The following AGBL1 variants were observed in gnomAD, a reference collection of about 807,000 sequenced individuals.
AGBL1 encodes AGBL carboxypeptidase 1.
Under a neutral mutation model 118.9 loss-of-function variants are expected in AGBL1, and 130 were observed. That is an observed-to-expected ratio of 1.09 (90% confidence interval 0.95 to 1.26). The LOEUF (loss-of-function observed/expected upper bound fraction) is 1.26. Ranked by LOEUF, AGBL1 falls within the 50% of genes most tolerant of loss-of-function variation. The probability of loss-of-function intolerance (pLI) is 0.00; values close to 1 mark genes in which losing one functional copy is unlikely to be tolerated. For synonymous variants in AGBL1, 555 were observed against 478.9 expected (o/e 1.16, Z -2.08); for missense variants, 1,584 against 1,298.1 (o/e 1.22, Z -3.38).
chr15:87,012,466 A>C (rs138126740), intron 24 of AGBL1, among the ~76,000 whole-genome samples: 389 of 152,286 alleles, frequency 2.6e-3, no homozygotes, highest in Non-Finnish European at 4.4e-3. Flanking sequence ...AAAAGGGTGA[A>C]GATACAATGT....
At chr15:86,142,175 C>G (rs2076972504) in intron 2 of AGBL1, 108 bp downstream of exon 2, 1 of 1,094,468 alleles carries the variant, frequency 9.1e-7, no homozygotes. Flanking sequence ...GCTTCAGTTT[C>G]CTGTGAGAGG....
chr15:86,347,368 G>A (rs1204839928), intron 17 of AGBL1, among the ~76,000 whole-genome samples: 1 of 152,188 alleles, frequency 6.6e-6, no homozygotes, highest in African/African-American at 2.4e-5. Context: ...AGTAATTATA[G>A]TCATTGCTAG....
chr15:86,648,571 C>G (rs1051544819), intron 21 of AGBL1, among the ~76,000 whole-genome samples: 1 of 152,126 alleles, frequency 6.6e-6, no homozygotes. Flanking sequence ...TGTTAGATAG[C>G]CAAGTAGTAA....
chr15:86,461,469 T>C (rs1014962395), intron 18 of AGBL1, among the ~76,000 whole-genome samples: 2 of 152,156 alleles, frequency 1.3e-5, no homozygotes, highest in Admixed American at 1.3e-4. Flanking sequence ...CGTATTTATA[T>C]AGCGCTTATC....
intron 22 of AGBL1, among the ~76,000 whole-genome samples, chr15:86,794,394 A>G (rs1461118798): frequency 1.3e-4 from 20 of 152,210 alleles, no homozygotes; most frequent in Admixed American, 1.3e-3. Flanking sequence ...AATGGCCAAA[A>G]TAGGCAAATC....
chr15:86,274,911 G>T (rs2079222012), intron 15 of AGBL1, among the ~76,000 whole-genome samples: 2 of 151,936 alleles, frequency 1.3e-5, no homozygotes, highest in East Asian at 3.9e-4. Context: ...CCCTCCCCTG[G>T]AGCACCTCCC....
At chr15:86,396,241 G>A (rs549966574) in intron 17 of AGBL1, among the ~76,000 whole-genome samples, 84 of 133,076 alleles carry the variant, frequency 6.3e-4, no homozygotes, top group Non-Finnish European at 8.6e-4. Flanking sequence ...GTGTGTGTGT[G>A]TGTATATATA....
At chr15:86,931,616 G>A (rs966264706) in intron 23 of AGBL1, among the ~76,000 whole-genome samples, 3 of 148,690 alleles carry the variant, frequency 2.0e-5, no homozygotes, top group African/African-American at 7.4e-5. Flanking sequence ...TGCTGCTGCT[G>A]GTTGTTGTAT....
chr15:86,343,458 T>G (rs2080492002), intron 17 of AGBL1, among the ~76,000 whole-genome samples: 1 of 152,174 alleles, frequency 6.6e-6, no homozygotes, highest in African/African-American at 2.4e-5. Flanking sequence ...CCTTGCTGAT[T>G]TCTCCAGTTT....
chr15:86,524,059 G>T (rs973271851), intron 19 of AGBL1, among the ~76,000 whole-genome samples: 1 of 152,154 alleles, frequency 6.6e-6, no homozygotes, highest in African/African-American at 2.4e-5. Context: ...GTGACAAAAA[G>T]GTGGCACATT....
chr15:86,728,421 C>G (rs147240555), intron 22 of AGBL1, among the ~76,000 whole-genome samples: 67 of 152,318 alleles, frequency 4.4e-4, no homozygotes, highest in African/African-American at 1.5e-3. Context: ...CTGTCCACAA[C>G]TGCCCAGGCT....
At chr15:86,403,908 GGTAA>G (rs1315227195) in intron 18 of AGBL1, among the ~76,000 whole-genome samples, 7 of 152,158 alleles carry the variant, frequency 4.6e-5, no homozygotes, top group African/African-American at 1.7e-4. Flanking sequence ...AGACCAAAGA[GGTAA>G]GTGAGTTATC....
chr15:86,554,464 G>A lies in AGBL1; in HGVS notation c.2921G>A (p.Trp974Ter). 2 of 1,587,946 alleles carry A rather than the reference G, an allele frequency of 1.3e-6. No individual in the cohort carries two copies. Among genetic ancestry groups the A allele is most frequent in the Non-Finnish European group, 1.7e-6 (2 of 1,167,314 alleles). ...GCTTCCACGGCCCGGGTGGTGGTGTGGAGAGAGATGGGGGTGTCCAGAAGC... is the reference window on the plus strand; with the variant it reads ...GCTTCCACGGCCCGGGTGGTGGTGTAGAGAGAGATGGGGGTGTCCAGAAGC... ...SRASTARVVV[W>*]REMGVSRSYT... Residue 974 changes from tryptophan (W) to a stop codon, truncating the protein, a stop_gained, in exon 21 of 23, where the codon TGG (tryptophan) becomes TAG (stop). Transcript: ENST00000614907. LOFTEE classifies it high-confidence loss of function.
At position 86,756,601 on chromosome 15, in the gene AGBL1, T is replaced by G. The variant is rs936066590; in HGVS notation, c.3158+82165T>G. On this transcript the variant is annotated intron_variant, in intron 22 of 22. Coordinates refer to ENST00000614907, the MANE Select transcript of AGBL1 (RefSeq NM_001386094.1). Reference sequence around the variant, plus strand: ...TTTCCCATAGTAGCTGATTCCTAAATGAAGATGAGGAGTTCTGAGGGTGAG... The same window carrying G: ...TTTCCCATAGTAGCTGATTCCTAAAGGAAGATGAGGAGTTCTGAGGGTGAG... Among the ~76,000 whole-genome samples, 5 of 152,104 alleles carry G rather than the reference T, an allele frequency of 3.3e-5. No individual in the cohort carries two copies. In the East Asian group the frequency reaches 7.8e-4, roughly 24 times the overall value.
chr15:86,329,416 T>C (rs1254901678), intron 17 of AGBL1, among the ~76,000 whole-genome samples: 1 of 151,902 alleles, frequency 6.6e-6, no homozygotes, highest in Admixed American at 6.5e-5. Flanking sequence ...TTCCTGTGCA[T>C]AGATTGTGGT....
intron 22 of AGBL1, among the ~76,000 whole-genome samples, chr15:86,724,461 G>A (rs556076767): frequency 3.5e-4 from 54 of 152,178 alleles, no homozygotes; most frequent in African/African-American, 1.3e-3. Flanking sequence ...AGGTGTATAG[G>A]TGATAGCATC....
At chr15:86,607,497 A>G (rs1043061348) in intron 21 of AGBL1, among the ~76,000 whole-genome samples, 1 of 152,168 alleles carries the variant, frequency 6.6e-6, no homozygotes, top group African/African-American at 2.4e-5. Context: ...GAAACCACCA[A>G]ACTGTCTTTC....
At chr15:86,104,856 G>A (rs1328235778) in intron 1 of AGBL1, among the ~76,000 whole-genome samples, 1 of 152,102 alleles carries the variant, frequency 6.6e-6, no homozygotes, top group African/African-American at 2.4e-5. Flanking sequence ...CGATCTCTAG[G>A]TAGCTACCTA....
chr15:86,846,884 C>G (rs1273453536), intron 22 of AGBL1, among the ~76,000 whole-genome samples: 1 of 152,170 alleles, frequency 6.6e-6, no homozygotes, highest in Non-Finnish European at 1.5e-5. Context: ...TCTGGCCTTT[C>G]TTCTTCCTCC....
Sources: allele counts gnomAD v4.1 joint callset (sites outside exome capture counted in the v4.1 genomes callset), GRCh38; gene constraint gnomAD v4.1.1; transcripts MANE v1.5; gene names NCBI Gene and HGNC (gene_info 2026-07-23, HGNC 2026-07-21).